Variants in ZNF169 observed in about 807,000 individuals in gnomAD.
ZNF169 encodes the protein zinc finger protein 169.
A neutral mutation model predicts 12.0 loss-of-function variants in ZNF169; 11 were observed. That is an observed-to-expected ratio of 0.92 (90% CI 0.58 to 1.52). The LOEUF is 1.52. ZNF169 is among the 40% of genes most tolerant of loss of function. The pLI, the probability that ZNF169 is intolerant of heterozygous loss-of-function variation, is 0.00. For synonymous variants in ZNF169, 302 were observed against 286.5 expected, an observed-to-expected ratio of 1.05 and a Z score of -0.55; for missense variants, 722 against 744.0, an observed-to-expected ratio of 0.97 and a Z score of 0.34.
At chr9:94,274,349 AT>A (rs920027616) in intron 1 of ZNF169, among the ~76,000 whole-genome samples, 2 of 152,218 alleles carry the variant, frequency 1.3e-5, no homozygotes, top group African/African-American at 4.8e-5. Flanking sequence ...TGTAATATGT[AT>A]TAATAAGTTT....
In ZNF169 at chr9:94,283,937, T is replaced by G. The variant is rs963260895; in HGVS notation, c.33+5092T>G. ...TACAAAAAAAATTAGCCGGGCATGG[T>G]GGCAGGCACCTGTAATCCCATCTAC... On this transcript the variant is annotated intron_variant, in intron 2 of 4. Transcript: ENST00000395395. Among the ~76,000 whole-genome samples the G allele has an allele frequency of 1.3e-4, 20 of 151,108 alleles. No homozygotes were observed. The South Asian group carries it at 4.2e-3, about 32-fold the overall frequency.
chr9:94,263,712 G>T (rs1396653668), intron 1 of ZNF169, among the ~76,000 whole-genome samples: 1 of 151,854 alleles, frequency 6.6e-6, no homozygotes, highest in African/African-American at 2.4e-5. Context: ...TAATTGGAAT[G>T]CGTATTTCAT....
chr9:94,273,370 AT>A (rs1554713800), intron 1 of ZNF169, among the ~76,000 whole-genome samples: 2 of 149,776 alleles, frequency 1.3e-5, no homozygotes. Flanking sequence ...AGCAATTTTA[AT>A]TTTTTTTGCA....
chr9:94,272,723 T>C (rs558544101), intron 1 of ZNF169, among the ~76,000 whole-genome samples: 1 of 152,332 alleles, frequency 6.6e-6, no homozygotes, highest in Admixed American at 6.5e-5. Context: ...CCTTTGGATA[T>C]GTATCCAGAA....
chr9:94,289,789 CA>C (rs936293530), intron 2 of ZNF169, among the ~76,000 whole-genome samples: 6 of 145,572 alleles, frequency 4.1e-5, no homozygotes, highest in South Asian at 2.2e-4. Flanking sequence ...GACTCTGTCT[CA>C]AAAAAAAAAG....
At chr9:94,284,827 A>G (rs1433435971) in intron 2 of ZNF169, among the ~76,000 whole-genome samples, 1 of 152,182 alleles carries the variant, frequency 6.6e-6, no homozygotes, top group East Asian at 1.9e-4. Context: ...AAAATGATCT[A>G]TAGATTTAGT....
chr9:94,293,041 G>A lies in ZNF169; in HGVS notation c.228G>A (p.Glu76=). 6.2e-7 allele frequency: 1 copy of A among 1,613,538 alleles called. No homozygotes were observed. The highest frequency in any genetic ancestry group is 8.5e-7 in the Non-Finnish European group (1 of 1,179,758). ...AAGGCGACGAACCTTGGAGAGAGGA[G>A]AACGAACATCTTCTGGACCTTTGTC... is the stretch of plus-strand genomic sequence containing the variant. ...LEQGDEPWRE[E]NEHLLDLCPE... The change falls in exon 4 of 5, where the codon GAG becomes GAA. Residue 76 remains glutamate (E), a synonymous_variant. Transcript: ENST00000395395.
chr9:94,292,317 A>G, intron 2 of ZNF169, 24 bp from the exon 3 acceptor site: 1 of 1,613,846 alleles, frequency 6.2e-7, no homozygotes, highest in Non-Finnish European at 8.5e-7. Flanking sequence ...CTGTTGAGTG[A>G]GCAGGGATGT....
intron 1 of ZNF169, among the ~76,000 whole-genome samples, chr9:94,266,848 C>T (rs918810603): frequency 1.3e-5 from 2 of 151,264 alleles, no homozygotes; most frequent in African/African-American, 4.9e-5. Context: ...AACTGGTTTG[C>T]TTCATTGTAC....
At chr9:94,298,419 G>A (rs1239000671) in intron 4 of ZNF169, among the ~76,000 whole-genome samples, 2 of 151,964 alleles carry the variant, frequency 1.3e-5, no homozygotes, top group Non-Finnish European at 2.9e-5. Context: ...AGTGGCTCAT[G>A]CCTATAACCC....
intron 2 of ZNF169, among the ~76,000 whole-genome samples, chr9:94,286,599 T>C (rs1287049415): frequency 1.3e-5 from 2 of 152,156 alleles, no homozygotes; most frequent in African/African-American, 4.8e-5. Flanking sequence ...AGGGGAGGAA[T>C]TAATTCCACA....
rs1159506894 is a variant in ZNF169 at position 94,299,723 on chromosome 9, C to CTTT, written c.257-91_257-89dup. 2.8e-5 allele frequency: 43 copies of CTTT among 1,511,450 alleles called. No homozygotes were observed. The Admixed American group carries it at 9.9e-4, about 35-fold the overall frequency. The allele number at this position is 1,511,450 out of a possible 1,614,324, so 93.6% of individuals were successfully genotyped here. ...TGCCCTTGTGGGTTGGAAGATAAGT[C>CTTT]TTTGTTGTGAACATCTGAAGAAAAC... On this transcript the variant is annotated intron_variant, in intron 4 of 4. Coordinates refer to ENST00000395395, the MANE Select transcript of ZNF169 (RefSeq NM_194320.4).
intron 4 of ZNF169, among the ~76,000 whole-genome samples, chr9:94,298,266 A>G (rs1587689891): frequency 6.6e-6 from 1 of 152,312 alleles, no homozygotes; most frequent in African/African-American, 2.4e-5. Context: ...TAAACTAGCC[A>G]TGAATAAGAA....
chr9:94,282,741 T>C (rs1323659983), intron 2 of ZNF169, among the ~76,000 whole-genome samples: 2 of 152,166 alleles, frequency 1.3e-5, no homozygotes, highest in African/African-American at 4.8e-5. Flanking sequence ...CAGGAGACTT[T>C]GTTGGTTTAG....
intron 1 of ZNF169, among the ~76,000 whole-genome samples, chr9:94,277,432 C>T (rs1309802549): frequency 1.3e-5 from 2 of 152,072 alleles, no homozygotes; most frequent in East Asian, 3.9e-4. Flanking sequence ...GGATTTTTCC[C>T]ACAAGAGACT....
At chr9:94,262,742 AGCC>A (rs534848098) in intron 1 of ZNF169, among the ~76,000 whole-genome samples, 9 of 152,162 alleles carry the variant, frequency 5.9e-5, no homozygotes, top group African/African-American at 2.2e-4. Context: ...TACAGGTGTG[AGCC>A]ACCTCGCTTG....
At chr9:94,268,785 C>CAAAA (rs58102758) in intron 1 of ZNF169, among the ~76,000 whole-genome samples, 9,263 of 112,836 alleles carry the variant, frequency 0.082, 459 homozygotes, top group Middle Eastern at 0.16. Context: ...GACTCCATTT[C>CAAAA]AAAAAAAAAA....
At chr9:94,275,232 T>C (rs966630267) in intron 1 of ZNF169, among the ~76,000 whole-genome samples, 1 of 152,166 alleles carries the variant, frequency 6.6e-6, no homozygotes, top group Admixed American at 6.5e-5. Context: ...TGAGACACTG[T>C]CTCTCAAAAA....
chr9:94,298,296 A>G (rs1378727717), intron 4 of ZNF169, among the ~76,000 whole-genome samples: 2 of 152,234 alleles, frequency 1.3e-5, no homozygotes, highest in African/African-American at 2.4e-5. Context: ...TTTTTCTCTT[A>G]CCAAATGCTT....
Sources: allele counts gnomAD v4.1 joint callset (sites outside exome capture counted in the v4.1 genomes callset), GRCh38; gene constraint gnomAD v4.1.1; transcripts MANE v1.5; gene names NCBI Gene and HGNC (gene_info 2026-07-23, HGNC 2026-07-21).